EYS: variants seen among roughly 807,000 people sequenced by gnomAD.
The protein encoded by EYS is EGF-like photoreceptor maintenance factor.
Under a neutral mutation model 282.1 loss-of-function variants are expected in EYS, and 250 were observed. The observed-to-expected ratio is 0.89, with a 90% CI of 0.80 to 0.98. The LOEUF (loss-of-function observed/expected upper bound fraction) is 0.98, where lower values mean the gene tolerates loss of function less well. Ranked by LOEUF, EYS falls within the 50% of genes least tolerant of loss-of-function variation. The pLI is 0.00. For synonymous variants in EYS, 1,355 were observed against 1,282.9 expected (o/e 1.06, Z -1.20); for missense variants, 4,016 against 3,709.0 (o/e 1.08, Z -2.15).
chr6:64,157,846 G>A (rs1488482303), intron 31 of EYS, among the ~76,000 whole-genome samples: 2 of 152,360 alleles, frequency 1.3e-5, no homozygotes, highest in South Asian at 2.1e-4. Flanking sequence ...GGGCAGTGCA[G>A]AAGGGAAATG....
chr6:63,781,336 G>A (rs916243558), intron 39 of EYS, among the ~76,000 whole-genome samples: 1 of 152,086 alleles, frequency 6.6e-6, no homozygotes, highest in East Asian at 1.9e-4. Flanking sequence ...AAATTACCTT[G>A]GGCAGTATGG....
At chr6:65,490,372 G>A (rs1344022696) in intron 5 of EYS, 3 of 393,748 alleles carry the variant, frequency 7.6e-6, no homozygotes, top group Non-Finnish European at 1.4e-5. Flanking sequence ...CATGTGAACT[G>A]TTGTTCAGAC....
intron 16 of EYS, among the ~76,000 whole-genome samples, chr6:64,905,920 A>T (rs1488234763): frequency 6.6e-6 from 1 of 152,014 alleles, no homozygotes; most frequent in African/African-American, 2.4e-5. Flanking sequence ...GGTAGTTAAA[A>T]ATCATATATT....
At chr6:65,093,392 G>A (rs1264416180) in intron 12 of EYS, among the ~76,000 whole-genome samples, 1 of 152,046 alleles carries the variant, frequency 6.6e-6, no homozygotes, top group African/African-American at 2.4e-5. Flanking sequence ...ATACCATAAT[G>A]ATAGTAGATA....
intron 1 of EYS, among the ~76,000 whole-genome samples, chr6:65,664,321 A>G (rs1768127492): frequency 3.9e-5 from 6 of 152,202 alleles, no homozygotes; most frequent in Admixed American, 3.9e-4. Flanking sequence ...ACTGAGATGA[A>G]TGTGGGTCAT....
At chr6:64,004,153 C>T (rs1392395062) in intron 33 of EYS, among the ~76,000 whole-genome samples, 1 of 152,032 alleles carries the variant, frequency 6.6e-6, no homozygotes, top group Non-Finnish European at 1.5e-5. Flanking sequence ...TTAAAAAAAT[C>T]TTCCCTTATT....
Position 65,184,140 on chromosome 6 carries a change from G to T in EYS, c.2023+111723C>A, listed in dbSNP as rs535642061. On this transcript the variant is annotated intron_variant, in intron 12 of 42. Coordinates refer to ENST00000503581, the MANE Select transcript of EYS (RefSeq NM_001142800.2). The stretch of plus-strand genomic sequence containing the variant: ...ATAAAGTAAAGTCGCATAAAACATC[G>T]TGATGTGTTTTAATCTGTTTGTGCT... 1.9e-3 allele frequency among the ~76,000 whole-genome samples: 296 copies of T among 151,964 alleles called. 2 individuals carry two copies. The highest frequency in any genetic ancestry group is 6.6e-3 in the African/African-American group (272 of 41,510).
At chr6:65,044,306 G>C (rs550044926) in intron 13 of EYS, among the ~76,000 whole-genome samples, 1 of 151,364 alleles carries the variant, frequency 6.6e-6, no homozygotes, top group Non-Finnish European at 1.5e-5. Context: ...TCATATGTAC[G>C]GTTTGAAAAT....
intron 22 of EYS, among the ~76,000 whole-genome samples, chr6:64,700,135 T>C (rs932404422): frequency 2.0e-5 from 3 of 151,866 alleles, no homozygotes; most frequent in Non-Finnish European, 2.9e-5. Flanking sequence ...TTTAAAACCA[T>C]ATAATCATCT....
At chr6:63,722,106 A>G (rs747457235) in intron 42 of EYS, among the ~76,000 whole-genome samples, 1 of 152,124 alleles carries the variant, frequency 6.6e-6, no homozygotes, top group Non-Finnish European at 1.5e-5. Context: ...TTATGATACC[A>G]TTTAATGGCA....
chr6:64,611,608 A>G (rs1427742628), intron 24 of EYS, among the ~76,000 whole-genome samples: 1 of 152,142 alleles, frequency 6.6e-6, no homozygotes, highest in African/African-American at 2.4e-5. Flanking sequence ...AAGGATCTGC[A>G]AAAAATGGTG....
At chr6:63,927,678 T>A (rs1339941560) in intron 35 of EYS, among the ~76,000 whole-genome samples, 1 of 152,218 alleles carries the variant, frequency 6.6e-6, no homozygotes, top group African/African-American at 2.4e-5. Context: ...ATTATCAGTG[T>A]GTCAAGATGG....
intron 19 of EYS, among the ~76,000 whole-genome samples, chr6:64,868,148 A>T (rs1365826032): frequency 6.6e-6 from 1 of 151,442 alleles, no homozygotes; most frequent in Non-Finnish European, 1.5e-5. Context: ...TTTTTATTTT[A>T]AAAAATCACT....
At chr6:63,933,204 G>GT (rs943539728) in intron 35 of EYS, among the ~76,000 whole-genome samples, 36 of 151,932 alleles carry the variant, frequency 2.4e-4, no homozygotes, top group South Asian at 1.0e-3. Flanking sequence ...TGTTCTTTTG[G>GT]TTTTTTTTAA....
intron 12 of EYS, among the ~76,000 whole-genome samples, chr6:65,066,311 T>A (rs183127989): frequency 6.6e-6 from 1 of 152,350 alleles, no homozygotes; most frequent in Non-Finnish European, 1.5e-5. Context: ...TATCTTTGAT[T>A]GTACCTTTAG....
chr6:64,881,940 T>A (rs1313446234), intron 19 of EYS, among the ~76,000 whole-genome samples: 3 of 151,868 alleles, frequency 2.0e-5, no homozygotes, highest in Non-Finnish European at 4.4e-5. Context: ...TATTAATGTT[T>A]GTAATTCAAT....
chr6:64,369,397 C>G (rs1458897758), intron 29 of EYS, among the ~76,000 whole-genome samples: 3 of 152,062 alleles, frequency 2.0e-5, no homozygotes, highest in Admixed American at 2.0e-4. Context: ...TATTCAGGCT[C>G]TTTTTTGGTT....
At chr6:64,360,994 T>C (rs1771982848) in intron 29 of EYS, among the ~76,000 whole-genome samples, 2 of 151,654 alleles carry the variant, frequency 1.3e-5, no homozygotes, top group Admixed American at 1.3e-4. Flanking sequence ...TGTTTTTCCT[T>C]GAAAACCTGA....
intron 2 of EYS, among the ~76,000 whole-genome samples, chr6:65,626,517 T>C (rs894731069): frequency 3.3e-5 from 5 of 152,170 alleles, no homozygotes; most frequent in African/African-American, 4.8e-5. Context: ...ATAGATACAA[T>C]GAATAAACTA....
Sources: gnomAD v4.1 joint callset for allele counts (sites outside exome capture counted in the v4.1 genomes callset) on GRCh38, gnomAD v4.1.1 for gene constraint, MANE v1.5 for transcripts, NCBI Gene and HGNC (gene_info 2026-07-23, HGNC 2026-07-21) for gene names.